The following AKAP13 variants were observed in gnomAD, a reference collection of about 807,000 sequenced individuals.
AKAP13 encodes A-kinase anchor protein 13.
A neutral mutation model predicts 264.5 loss-of-function variants in AKAP13; 80 were observed. The ratio of observed to expected loss-of-function variants is 0.30; its 90% confidence interval spans 0.25 to 0.36. AKAP13 has a LOEUF of 0.36. Among genes scored for constraint, AKAP13 ranks in the 10% least tolerant of loss-of-function variants. The pLI, the probability that AKAP13 is intolerant of heterozygous loss-of-function variation, is 1.00. For missense variants in AKAP13, 3,712 were observed against 3,435.2 expected (o/e 1.08, Z -2.01); for synonymous variants, 1,380 against 1,250.2 (o/e 1.10, Z -2.19).
chr15:85,538,346 A>C (rs1434199998), intron 4 of AKAP13, among the ~76,000 whole-genome samples: 2 of 152,202 alleles, frequency 1.3e-5, no homozygotes, highest in Admixed American at 1.3e-4. Flanking sequence ...GGAGAGGTGG[A>C]AGACAGGTTT....
intron 1 of AKAP13, among the ~76,000 whole-genome samples, chr15:85,430,915 C>A (rs1389166740): frequency 6.6e-6 from 1 of 152,206 alleles, no homozygotes; most frequent in African/African-American, 2.4e-5. Context: ...CAAATCCACA[C>A]ATGCTTTTAG....
intron 1 of AKAP13, among the ~76,000 whole-genome samples, chr15:85,423,480 G>A (rs1596120891): frequency 6.6e-6 from 1 of 152,334 alleles, no homozygotes; most frequent in East Asian, 1.9e-4. Context: ...CCTGCCATCT[G>A]TTCAAGTTTT....
intron 16 of AKAP13, among the ~76,000 whole-genome samples, chr15:85,688,362 C>T (rs2085066902): frequency 6.6e-6 from 1 of 152,006 alleles, no homozygotes; most frequent in Non-Finnish European, 1.5e-5. Context: ...TAAATAGATG[C>T]TGTGAGAGAC....
At chr15:85,408,472 AACTT>A (rs1302537923) in intron 1 of AKAP13, among the ~76,000 whole-genome samples, 1 of 151,670 alleles carries the variant, frequency 6.6e-6, no homozygotes, top group Non-Finnish European at 1.5e-5. Flanking sequence ...ATGAAACAAT[AACTT>A]TCTATTTCTC....
Position 85,719,318 on chromosome 15 carries a change from G to A in AKAP13, c.6244G>A (p.Val2082Ile), listed in dbSNP as rs1256823898. 1 of 1,614,162 alleles carries A rather than the reference G, an allele frequency of 6.2e-7. No homozygotes were observed. The highest frequency in any genetic ancestry group is 2.2e-5 in the East Asian group (1 of 44,884). Residue 2082 changes from valine (V) to isoleucine (I), a missense_variant, in exon 23 of 37, where the codon GTA (valine) becomes ATA (isoleucine). By Grantham distance (29) the Val-to-Ile change is conservative. Around this residue, in one of 3 missense-constraint regions of AKAP13, gnomAD observed 342 missense variants for 484.3 expected, o/e 0.71. Coordinates refer to ENST00000394518, the MANE Select transcript of AKAP13 (RefSeq NM_007200.5). ...CATCAAGAGGATAGGGGATGTGCTT[G>A]TAAATCAGGTGAGAATGGGAAGGAT... Reference protein sequence around the residue: ...FLIKRIGDVLVNQFSGENAER... With the variant: ...FLIKRIGDVLINQFSGENAER...
intron 1 of AKAP13, among the ~76,000 whole-genome samples, chr15:85,420,968 A>G (rs1392380620): frequency 6.6e-6 from 1 of 152,178 alleles, no homozygotes; most frequent in African/African-American, 2.4e-5. Context: ...GTTCATTCCT[A>G]GTTATAGATT....
At chr15:85,742,209 CT>C (rs2089067491) in intron 35 of AKAP13, among the ~76,000 whole-genome samples, 2 of 152,212 alleles carry the variant, frequency 1.3e-5, no homozygotes, top group African/African-American at 4.8e-5. Flanking sequence ...CTTCCCTCAG[CT>C]AGAGGAGTCT....
rs539438782 is a variant in AKAP13 at position 85,637,879 on chromosome 15, T to G, written c.4162-1495T>G. Among the ~76,000 whole-genome samples the G allele has an allele frequency of 2.8e-4, 39 of 138,526 alleles. No individual in the cohort carries two copies. The East Asian group carries it at 7.7e-3, about 27-fold the overall frequency. The allele number at this position is 138,526 out of a possible 152,430, so 90.9% of individuals were successfully genotyped here. A position where few individuals can be genotyped will look rare whatever the true frequency, so the allele number is the denominator to read the frequency against. Reference sequence around the variant, plus strand: ...ATATTTCTACTTTCCCTGGGTTATTTAGAAGTTTTTTTTTTTTTTTTTTTT... The same window carrying G: ...ATATTTCTACTTTCCCTGGGTTATTGAGAAGTTTTTTTTTTTTTTTTTTTT... On this transcript the variant is annotated intron_variant, in intron 8 of 36. Coordinates refer to ENST00000394518, the MANE Select transcript of AKAP13 (RefSeq NM_007200.5).
At chr15:85,426,691 A>C (rs567464141) in intron 1 of AKAP13, among the ~76,000 whole-genome samples, 1 of 152,122 alleles carries the variant, frequency 6.6e-6, no homozygotes, top group Non-Finnish European at 1.5e-5. Context: ...CACAGTTTCT[A>C]CTCAGTTACT....
rs374454740 is a variant in AKAP13, at chr15:85,692,291, A to T, written c.5290-986A>T. Among the ~76,000 whole-genome samples the T allele has an allele frequency of 1.9e-4, 29 of 152,308 alleles. No homozygotes were observed. The East Asian group carries it at 5.0e-3, about 26-fold the overall frequency. On this transcript the variant is annotated intron_variant, in intron 16 of 36. Transcript: ENST00000394518. ...TGAGTAATTAATAATATTGCTAAGC[A>T]TTATTGTGTATTCACTGTGTGCCAG... is the stretch of plus-strand genomic sequence containing the variant.
intron 1 of AKAP13, among the ~76,000 whole-genome samples, chr15:85,461,926 T>C (rs781664629): frequency 1.2e-4 from 19 of 152,224 alleles, no homozygotes; most frequent in Non-Finnish European, 2.1e-4. Flanking sequence ...TTTTATTAAA[T>C]GAAATAAAAT....
At position 85,719,542 on chromosome 15, in the gene AKAP13, G is replaced by T. The variant is rs577180164; in HGVS notation, c.6252+216G>T. 2.0e-4 allele frequency among the ~76,000 whole-genome samples: 30 copies of T among 152,258 alleles called. 3 individuals are homozygous for T. The South Asian group carries it at 5.2e-3, about 26-fold the overall frequency. ...GTTATTTTGGAAAGTTAAAGGGAGGGTATATATAAAGTACCTAATGCATAT... is the reference window on the plus strand; with the variant it reads ...GTTATTTTGGAAAGTTAAAGGGAGGTTATATATAAAGTACCTAATGCATAT... On this transcript the variant is annotated intron_variant, in intron 23 of 36. Coordinates refer to ENST00000394518, the MANE Select transcript of AKAP13 (RefSeq NM_007200.5).
chr15:85,744,643 A>G lies in AKAP13; in HGVS notation c.8408A>G (p.Glu2803Gly). The G allele has an allele frequency of 1.2e-6, 2 of 1,613,604 alleles. No homozygotes were observed. The highest frequency in any genetic ancestry group is 1.7e-6 in the Non-Finnish European group (2 of 1,179,852). The change falls in exon 37 of 37, where the codon GAA (glutamate) becomes GGA (glycine). Residue 2803 changes from glutamate (E) to glycine (G), a missense_variant. Coordinates refer to ENST00000394518, the MANE Select transcript of AKAP13 (RefSeq NM_007200.5). ...ACATTTCCAGATGGTCCCGCGTCAG[A>G]AGTATCAGCAGAGGGTGAAGAGATC... The part of the protein sequence containing the change: ...RSQPGDGPAS[E>G]VSAEGEEIFC
chr15:85,646,600 G>A (rs758198154), intron 10 of AKAP13, among the ~76,000 whole-genome samples: 12 of 152,176 alleles, frequency 7.9e-5, no homozygotes, highest in Non-Finnish European at 1.5e-4. Flanking sequence ...AGCAAGGACC[G>A]CAGCTCAGAC....
intron 1 of AKAP13, chr15:85,415,503 G>A: frequency 1.3e-6 from 2 of 1,544,048 alleles, no homozygotes; most frequent in Non-Finnish European, 8.9e-7. Context: ...TACAGATGGT[G>A]CATTGGTTCA....
intron 17 of AKAP13, among the ~76,000 whole-genome samples, chr15:85,703,274 G>A (rs1321973855): frequency 6.6e-6 from 1 of 152,090 alleles, no homozygotes; most frequent in Non-Finnish European, 1.5e-5. Context: ...TATTACTTAG[G>A]GAAAAGGAAG....
chr15:85,612,602 A>G (rs967309008), intron 8 of AKAP13, among the ~76,000 whole-genome samples: 2 of 152,124 alleles, frequency 1.3e-5, no homozygotes, highest in African/African-American at 2.4e-5. Flanking sequence ...CGGGTGGATC[A>G]TTTGAGGTCA....
intron 1 of AKAP13, among the ~76,000 whole-genome samples, chr15:85,483,642 A>AAC (rs765810748): frequency 6.9e-6 from 1 of 145,198 alleles, no homozygotes; most frequent in Non-Finnish European, 1.5e-5. Context: ...CAAAAAAAAA[A>AAC]AAAAAAAAAC....
intron 1 of AKAP13, among the ~76,000 whole-genome samples, chr15:85,459,978 G>A (rs2074444315): frequency 2.0e-5 from 3 of 151,982 alleles, no homozygotes. Flanking sequence ...CCCATATTTA[G>A]GTTCACTAGT....
Sources: allele counts gnomAD v4.1 joint callset (sites outside exome capture counted in the v4.1 genomes callset), GRCh38; gene constraint gnomAD v4.1.1; regional missense constraint gnomAD v4.1.1; transcripts MANE v1.5; gene names NCBI Gene and HGNC (gene_info 2026-07-23, HGNC 2026-07-21).